NKAIN2: variants seen among roughly 807,000 people sequenced by gnomAD.
The protein encoded by NKAIN2 is sodium/potassium-transporting ATPase subunit beta-1-interacting protein 2.
A neutral mutation model predicts 32.6 loss-of-function variants in NKAIN2; 14 were observed. The observed-to-expected ratio is 0.43, with a 90% CI of 0.28 to 0.67. NKAIN2 has a LOEUF of 0.67. Among genes scored for constraint, NKAIN2 ranks in the 30% least tolerant of loss-of-function variants. The pLI, the probability that NKAIN2 is intolerant of heterozygous loss-of-function variation, is 0.17. For missense variants in NKAIN2, 198 were observed against 258.3 expected (o/e 0.77, Z 1.60); for synonymous variants, 80 against 87.2 (o/e 0.92, Z 0.46).
intron 3 of NKAIN2, among the ~76,000 whole-genome samples, chr6:124,466,308 A>C (rs1424164281): frequency 6.6e-6 from 1 of 152,154 alleles, no homozygotes; most frequent in African/African-American, 2.4e-5. Flanking sequence ...AAGCATTGAA[A>C]ACTGAAGAGC....
At chr6:124,148,610 A>G (rs1787547242) in intron 1 of NKAIN2, among the ~76,000 whole-genome samples, 1 of 152,152 alleles carries the variant, frequency 6.6e-6, no homozygotes, top group Non-Finnish European at 1.5e-5. Flanking sequence ...TACATTTAGC[A>G]TGACATTTTG....
At chr6:123,940,248 T>TA (rs1582814245) in intron 1 of NKAIN2, among the ~76,000 whole-genome samples, 1 of 151,858 alleles carries the variant, frequency 6.6e-6, no homozygotes, top group African/African-American at 2.4e-5. Context: ...AAAAATCACG[T>TA]AAGCTGTGCT....
chr6:123,915,790 A>G (rs768291025), intron 1 of NKAIN2, among the ~76,000 whole-genome samples: 33 of 152,132 alleles, frequency 2.2e-4, no homozygotes, highest in African/African-American at 2.4e-5. Flanking sequence ...TTAGAGCTGT[A>G]TATTTTTCAC....
At chr6:124,072,669 T>C (rs568820590) in intron 1 of NKAIN2, among the ~76,000 whole-genome samples, 6 of 152,254 alleles carry the variant, frequency 3.9e-5, no homozygotes, top group African/African-American at 1.2e-4. Context: ...AGCTCCTGCC[T>C]GAATGGCAGA....
chr6:124,344,489 G>A (rs1468886887), intron 2 of NKAIN2, among the ~76,000 whole-genome samples: 3 of 151,364 alleles, frequency 2.0e-5, no homozygotes, highest in African/African-American at 7.3e-5. Context: ...CCATTTGTTT[G>A]TATCCTCTTT....
At chr6:124,705,042 G>T (rs1359612810) in intron 4 of NKAIN2, among the ~76,000 whole-genome samples, 3 of 151,950 alleles carry the variant, frequency 2.0e-5, no homozygotes, top group Non-Finnish European at 4.4e-5. Context: ...CTAAAAGATA[G>T]ATGTCATCCA....
chr6:124,022,770 A>T (rs1780924947), intron 1 of NKAIN2, among the ~76,000 whole-genome samples: 1 of 152,160 alleles, frequency 6.6e-6, no homozygotes, highest in Non-Finnish European at 1.5e-5. Context: ...AGATCCAATT[A>T]TAGCTAATTT....
intron 2 of NKAIN2, among the ~76,000 whole-genome samples, chr6:124,315,874 TAAAATA>T (rs1796929660): frequency 6.6e-6 from 1 of 152,080 alleles, no homozygotes; most frequent in Non-Finnish European, 1.5e-5. Flanking sequence ...ATTTTCCTAT[TAAAATA>T]AAAACATTTT....
At chr6:123,901,068 GTCT>G (rs1483080307) in intron 1 of NKAIN2, among the ~76,000 whole-genome samples, 4 of 152,068 alleles carry the variant, frequency 2.6e-5, no homozygotes, top group Non-Finnish European at 5.9e-5. Context: ...ATCCTCGGTT[GTCT>G]TCTTCTAAAA....
intron 3 of NKAIN2, among the ~76,000 whole-genome samples, chr6:124,508,963 A>G (rs1013340952): frequency 4.6e-5 from 7 of 152,220 alleles, no homozygotes; most frequent in Admixed American, 1.3e-4. Context: ...CTGTTCCAGT[A>G]TGACCTCATT....
At chr6:124,525,526 G>A (rs1233936116) in intron 3 of NKAIN2, among the ~76,000 whole-genome samples, 2 of 152,062 alleles carry the variant, frequency 1.3e-5, no homozygotes, top group Non-Finnish European at 2.9e-5. Context: ...GTAAGGGGCA[G>A]AAGCAATGAT....
intron 3 of NKAIN2, among the ~76,000 whole-genome samples, chr6:124,604,580 T>A (rs1782428417): frequency 6.6e-6 from 1 of 151,692 alleles, no homozygotes; most frequent in Admixed American, 6.6e-5. Context: ...TAATTCTTCC[T>A]CATTATCTCC....
At chr6:124,789,622 T>C (rs1435944040) in intron 4 of NKAIN2, among the ~76,000 whole-genome samples, 2 of 151,920 alleles carry the variant, frequency 1.3e-5, no homozygotes, top group Non-Finnish European at 2.9e-5. Flanking sequence ...CAAATCACTA[T>C]GTGATTTGAG....
Position 124,579,635 on chromosome 6 carries a change from T to TAG in NKAIN2, c.274-78541_274-78540dup, listed in dbSNP as rs1392935381. Among the ~76,000 whole-genome samples, 12 of 151,570 alleles carry TAG rather than the reference T, an allele frequency of 7.9e-5. No homozygotes were observed. In the East Asian group the frequency reaches 1.2e-3, roughly 15 times the overall value. ...AAGAGTTATTGGCCTTAAAGAGAGG[T>TAG]AGAGAGAGAGATAGGGGTAGAAAGT... On this transcript the variant is annotated intron_variant, in intron 3 of 6. Transcript: ENST00000368417.
intron 1 of NKAIN2, among the ~76,000 whole-genome samples, chr6:123,873,877 T>C (rs1194475285): frequency 6.6e-6 from 1 of 152,222 alleles, no homozygotes; most frequent in Non-Finnish European, 1.5e-5. Flanking sequence ...AAATGCACGC[T>C]GTTCATTCAG....
At chr6:123,973,171 T>C (rs1193409227) in intron 1 of NKAIN2, among the ~76,000 whole-genome samples, 1 of 152,110 alleles carries the variant, frequency 6.6e-6, no homozygotes, top group Non-Finnish European at 1.5e-5. Context: ...TAATATATCA[T>C]TCCTGCTGGA....
intron 1 of NKAIN2, among the ~76,000 whole-genome samples, chr6:123,886,550 A>C (rs1487681458): frequency 6.6e-6 from 1 of 152,160 alleles, no homozygotes; most frequent in Non-Finnish European, 1.5e-5. Flanking sequence ...TTCCTACAAC[A>C]AGCATGTTAA....
chr6:124,734,647 A>T (rs1196509427), intron 4 of NKAIN2, among the ~76,000 whole-genome samples: 2 of 151,918 alleles, frequency 1.3e-5, no homozygotes, highest in Non-Finnish European at 2.9e-5. Flanking sequence ...AAGAGTAGGT[A>T]GTGGAAAGAA....
At chr6:124,013,000 G>T (rs1004636895) in intron 1 of NKAIN2, among the ~76,000 whole-genome samples, 3 of 152,204 alleles carry the variant, frequency 2.0e-5, no homozygotes, top group African/African-American at 7.2e-5. Flanking sequence ...CATTTGATAT[G>T]CTCAGTCTCC....
Sources: gnomAD v4.1 joint callset for allele counts (sites outside exome capture counted in the v4.1 genomes callset) on GRCh38, gnomAD v4.1.1 for gene constraint, MANE v1.5 for transcripts, NCBI Gene and HGNC (gene_info 2026-07-23, HGNC 2026-07-21) for gene names.